SCRIB: variants seen among roughly 807,000 people sequenced by gnomAD.
The protein encoded by SCRIB is scribble planar cell polarity protein.
Under a neutral mutation model 170.0 loss-of-function variants are expected in SCRIB, and 72 were observed. That is an observed-to-expected ratio of 0.42 (90% CI 0.35 to 0.52). SCRIB has a LOEUF of 0.52. Ranked by LOEUF, SCRIB falls within the 20% of genes least tolerant of loss-of-function variation. SCRIB has a pLI of 0.02. For missense variants in SCRIB, 2,475 were observed against 2,338.5 expected (o/e 1.06, Z -1.20); for synonymous variants, 1,298 against 1,044.3 (o/e 1.24, Z -4.68).
rs1814789290 is a variant in SCRIB, at chr8:143,793,268, A to G, written c.3910-185T>C. On this transcript the variant is annotated intron_variant, in intron 28 of 36. Coordinates refer to ENST00000356994, the MANE Select transcript of SCRIB (RefSeq NM_182706.5). ...GACAGAGCACTCACGGAGTGGGGAC[A>G]ACCTCTGCCCCTGGGGGCTGGGGAG... The G allele has an allele frequency of 1.0e-5, 5 of 482,962 alleles. No individual in the cohort carries two copies. The South Asian group carries it at 2.0e-4, about 20-fold the overall frequency. 29.9% of individuals were successfully genotyped at this position (482,962 alleles called of 1,614,324 possible).
intron 25 of SCRIB, 30 bp downstream of exon 25, chr8:143,795,390 C>T (rs1814899170): frequency 6.2e-7 from 1 of 1,612,688 alleles, no homozygotes. Context: ...CTCCCTGGCC[C>T]TGGGGCTGCC....
intron 15 of SCRIB, among the ~76,000 whole-genome samples, chr8:143,808,232 G>C (rs1475824889): frequency 6.6e-6 from 1 of 152,212 alleles, no homozygotes; most frequent in Non-Finnish European, 1.5e-5. Flanking sequence ...TGACTTCTGT[G>C]AACTCCGTGC....
chr8:143,794,608 A>G (rs1272255039), intron 27 of SCRIB, among the ~76,000 whole-genome samples: 1 of 151,686 alleles, frequency 6.6e-6, no homozygotes, highest in Non-Finnish European at 1.5e-5. Flanking sequence ...AAGGGGAGGG[A>G]TGGGCCTGCA....
rs565349797 is a variant in SCRIB at position 143,803,694 on chromosome 8, C to T, written c.3367G>A (p.Ala1123Thr). The T allele has an allele frequency of 5.9e-5, 93 of 1,582,428 alleles. 2 individuals carry two copies. The East Asian group carries it at 1.3e-3, about 22-fold the overall frequency. ...TCTGTGGGGTCGCGGGGGTTGCCAG[C>T]GTGGCCCCTGGCACCCCCGCGGATG... is the stretch of plus-strand genomic sequence containing the variant. ...ISIRGGARGH[A>T]GNPRDPTDEG... Residue 1123 changes from alanine (A) to threonine (T), a missense_variant, in exon 23 of 37, where the codon GCT becomes ACT. By Grantham distance (58) the Ala-to-Thr change is moderately conservative. Coordinates refer to ENST00000356994, the MANE Select transcript of SCRIB (RefSeq NM_182706.5).
intron 28 of SCRIB, 110 bp downstream of exon 28, chr8:143,793,790 C>A (rs1004911657): frequency 1.8e-6 from 2 of 1,092,630 alleles, no homozygotes; most frequent in Non-Finnish European, 2.7e-6. Context: ...CAACAGCACC[C>A]CACGATGGCC....
At chr8:143,810,662 C>T (rs1307975415) in intron 12 of SCRIB, 24 bp downstream of exon 12, 2 of 1,601,448 alleles carry the variant, frequency 1.2e-6, no homozygotes, top group Admixed American at 3.4e-5. Flanking sequence ...CAGAGGTTCG[C>T]CCCCCAGATC....
chr8:143,806,808 GC>G (rs1815445673), intron 17 of SCRIB, 115 bp downstream of exon 17: 1 of 793,730 alleles, frequency 1.3e-6, no homozygotes, highest in African/African-American at 1.7e-5. Context: ...CTTGGGCCCA[GC>G]CCGTGTCCCC....
intron 24 of SCRIB, among the ~76,000 whole-genome samples, chr8:143,801,367 C>T (rs1279587485): frequency 6.6e-6 from 1 of 152,146 alleles, no homozygotes; most frequent in African/African-American, 2.4e-5. Context: ...CCAGGTGGAC[C>T]ATGGAGCTAT....
chr8:143,804,179 G>A (rs781903813), intron 21 of SCRIB, 23 bp from the exon 22 acceptor site: 3 of 1,556,754 alleles, frequency 1.9e-6, no homozygotes, highest in African/African-American at 2.7e-5. Flanking sequence ...GGCGGGACAA[G>A]GACAGGCCTC....
At position 143,815,128 on chromosome 8, in the gene SCRIB, G is replaced by A. The variant is rs1586542609; in HGVS notation, c.159+86C>T. The stretch of plus-strand genomic sequence containing the variant: ...ACCAGCAGGGCCGGCTGGAGGCTGC[G>A]GTGACTCGCCCGGGCAGATTCTGCC... On this transcript the variant is annotated intron_variant, in intron 1 of 36. Transcript: ENST00000356994. The A allele has an allele frequency of 7.3e-6, 10 of 1,377,078 alleles. No individual in the cohort carries two copies. The East Asian group carries it at 2.7e-4, about 38-fold the overall frequency. 85.3% of individuals were successfully genotyped at this position (1,377,078 alleles called of 1,614,324 possible). A position where few individuals can be genotyped will look rare whatever the true frequency, so the allele number is the denominator to read the frequency against.
intron 20 of SCRIB, 51 bp from the exon 21 acceptor site, chr8:143,804,876 G>A: frequency 2.0e-6 from 3 of 1,532,306 alleles, no homozygotes; most frequent in Non-Finnish European, 1.7e-6. Context: ...AGGGGACAGA[G>A]GGCGCGGGGC....
intron 18 of SCRIB, 54 bp from the exon 19 acceptor site, chr8:143,805,489 C>T: frequency 2.1e-6 from 3 of 1,421,720 alleles, no homozygotes; most frequent in Non-Finnish European, 2.8e-6. Flanking sequence ...CACAGACAGC[C>T]ACGTGCTGGG....
At chr8:143,793,367 G>C in intron 28 of SCRIB, 1 of 371,322 alleles carries the variant, frequency 2.7e-6, no homozygotes, top group East Asian at 4.2e-5. Context: ...GGGGCGGCGG[G>C]GGCAGAGGAG....
intron 24 of SCRIB, among the ~76,000 whole-genome samples, chr8:143,802,383 T>C (rs879974222): frequency 2.0e-5 from 3 of 152,196 alleles, no homozygotes; most frequent in Admixed American, 1.3e-4. Flanking sequence ...ACAGAACCAA[T>C]GTGAGGGGCC....
At position 143,803,634 on chromosome 8, in the gene SCRIB, G is replaced by T. The variant is rs565033927; in HGVS notation, c.3414+13C>A. 4.4e-5 allele frequency: 67 copies of T among 1,527,486 alleles called. No individual in the cohort carries two copies. The highest frequency in any genetic ancestry group is 3.1e-4 in the East Asian group (13 of 41,756). The allele number at this position is 1,527,486 out of a possible 1,614,324, so 94.6% of individuals were successfully genotyped here. A position where few individuals can be genotyped will look rare whatever the true frequency, so the allele number is the denominator to read the frequency against. ...GGTGGGGCCCAGGGCGGGCTGGGGT[G>T]GGGGGGGCTCACCTTGGAGATGAAG... On this transcript the variant is annotated intron_variant, in intron 23 of 36. Transcript: ENST00000356994.
rs571563855 is a variant in SCRIB at position 143,807,180 on chromosome 8, G to A, written c.2179-167C>T. ...AGGGCCAGCCCAGACGCCAGCTGGA[G>A]AAGCCCCAAGACCCCAGCAGGAGGG... On this transcript the variant is annotated intron_variant, in intron 16 of 36. Coordinates refer to ENST00000356994, the MANE Select transcript of SCRIB (RefSeq NM_182706.5). Among the ~76,000 whole-genome samples the A allele has an allele frequency of 1.1e-3, 173 of 152,368 alleles. 2 individuals are homozygous for A. Among genetic ancestry groups the A allele is most frequent in the African/African-American group, 3.8e-3 (160 of 41,594 alleles).
rs116647831 is a variant in SCRIB at position 143,798,041 on chromosome 8, G to A, written c.3604-2511C>T. Among the ~76,000 whole-genome samples the A allele has an allele frequency of 4.4e-3, 663 of 152,280 alleles. 8 individuals are homozygous for A. The highest frequency in any genetic ancestry group is 0.015 in the African/African-American group (616 of 41,554). ...GTCTGGGAGCAGAGAGATGGAGGCC[G>A]GTCTTCTGAAATGATTCTATATAAC... On this transcript the variant is annotated intron_variant, in intron 24 of 36. Coordinates refer to ENST00000356994, the MANE Select transcript of SCRIB (RefSeq NM_182706.5).
At chr8:143,806,118 C>G (rs1215165840) in intron 18 of SCRIB, among the ~76,000 whole-genome samples, 2 of 152,178 alleles carry the variant, frequency 1.3e-5, no homozygotes, top group African/African-American at 2.4e-5. Flanking sequence ...CCAGGTGCAG[C>G]TGCTGCCCTA....
intron 24 of SCRIB, 132 bp from the exon 25 acceptor site, chr8:143,795,662 CGCGTG>C (rs1417032720): frequency 1.3e-6 from 1 of 785,286 alleles, no homozygotes; most frequent in African/African-American, 1.7e-5. Flanking sequence ...CAGGGCTGAC[CGCGTG>C]GCTGGGGCAG....
Sources: gnomAD v4.1 joint callset for allele counts (sites outside exome capture counted in the v4.1 genomes callset) on GRCh38, gnomAD v4.1.1 for gene constraint, MANE v1.5 for transcripts, NCBI Gene and HGNC (gene_info 2026-07-23, HGNC 2026-07-21) for gene names.